The following AUTS2 variants were observed in gnomAD, a reference collection of about 807,000 sequenced individuals.
The protein encoded by AUTS2 is autism susceptibility gene 2 protein.
A neutral mutation model predicts 112.4 loss-of-function variants in AUTS2; 17 were observed. The ratio of observed to expected loss-of-function variants is 0.15; its 90% CI spans 0.10 to 0.23. AUTS2 has a LOEUF of 0.23. AUTS2 is among the 10% of genes least tolerant of loss of function. The pLI is 1.00. For missense variants in AUTS2, 1,510 were observed against 1,701.6 expected (o/e 0.89, Z 1.98); for synonymous variants, 751 against 702.7 (o/e 1.07, Z -1.09).
At chr7:70,301,565 GA>G (rs974725905) in intron 4 of AUTS2, among the ~76,000 whole-genome samples, 2 of 152,154 alleles carry the variant, frequency 1.3e-5, no homozygotes, top group African/African-American at 2.4e-5. Context: ...CTAAAGAGGG[GA>G]TTTTGTGGTG....
intron 2 of AUTS2, among the ~76,000 whole-genome samples, chr7:70,035,736 TAG>T (rs1258061859): frequency 1.3e-5 from 2 of 152,188 alleles, no homozygotes; most frequent in Non-Finnish European, 2.9e-5. Flanking sequence ...GATGTGGTCA[TAG>T]AGTCTTCATT....
intron 1 of AUTS2, among the ~76,000 whole-genome samples, chr7:69,896,192 G>A (rs1232177674): frequency 6.6e-6 from 1 of 152,192 alleles, no homozygotes; most frequent in Non-Finnish European, 1.5e-5. Context: ...TGTGGACACT[G>A]GACAAAGGAA....
intron 4 of AUTS2, among the ~76,000 whole-genome samples, chr7:70,181,302 T>C (rs1461884573): frequency 1.3e-5 from 2 of 152,210 alleles, no homozygotes; most frequent in Non-Finnish European, 2.9e-5. Context: ...CAGCATATTT[T>C]ATTGAGCACC....
At chr7:70,702,943 G>A (rs1218936103) in intron 6 of AUTS2, among the ~76,000 whole-genome samples, 1 of 152,106 alleles carries the variant, frequency 6.6e-6, no homozygotes, top group Non-Finnish European at 1.5e-5. Context: ...TGAAGCCTTT[G>A]GATATTTTTG....
chr7:70,404,192 A>G (rs551316964), intron 4 of AUTS2, among the ~76,000 whole-genome samples: 1 of 152,242 alleles, frequency 6.6e-6, no homozygotes, highest in East Asian at 1.9e-4. Context: ...ACTGGAATTC[A>G]TTGGGGTCAT....
intron 5 of AUTS2, among the ~76,000 whole-genome samples, chr7:70,524,596 A>C (rs1339059934): frequency 6.6e-6 from 1 of 152,202 alleles, no homozygotes; most frequent in African/African-American, 2.4e-5. Flanking sequence ...AACAAAAGGC[A>C]TCAGGGAAGT....
chr7:70,002,140 A>T (rs759465520), intron 2 of AUTS2, among the ~76,000 whole-genome samples: 1 of 152,198 alleles, frequency 6.6e-6, no homozygotes, highest in African/African-American at 2.4e-5. Flanking sequence ...AGAAAAGAGT[A>T]TAGTGCTTAC....
intron 4 of AUTS2, among the ~76,000 whole-genome samples, chr7:70,297,768 A>G (rs1186119730): frequency 6.6e-6 from 1 of 152,168 alleles, no homozygotes; most frequent in East Asian, 1.9e-4. Flanking sequence ...CAGGATGTTC[A>G]GAAGGAAGAC....
At chr7:70,717,323 G>A (rs1373227175) in intron 6 of AUTS2, among the ~76,000 whole-genome samples, 1 of 152,054 alleles carries the variant, frequency 6.6e-6, no homozygotes, top group Non-Finnish European at 1.5e-5. Context: ...TGGAACTACA[G>A]GCCTGTACCA....
At chr7:70,095,484 G>A (rs1156783277) in intron 2 of AUTS2, among the ~76,000 whole-genome samples, 2 of 152,162 alleles carry the variant, frequency 1.3e-5, no homozygotes, top group Admixed American at 6.5e-5. Flanking sequence ...GAGTGGTAAT[G>A]AATGGGCATT....
At chr7:69,725,251 A>G (rs1389193085) in intron 1 of AUTS2, among the ~76,000 whole-genome samples, 1 of 152,212 alleles carries the variant, frequency 6.6e-6, no homozygotes, top group African/African-American at 2.4e-5. Context: ...AGGACTTACC[A>G]TGATAAATAA....
chr7:69,676,742 A>T (rs759816378), intron 1 of AUTS2, among the ~76,000 whole-genome samples: 1 of 152,000 alleles, frequency 6.6e-6, no homozygotes, highest in Non-Finnish European at 1.5e-5. Context: ...CTTTTTAGTT[A>T]ATTTTTCAGT....
intron 6 of AUTS2, among the ~76,000 whole-genome samples, chr7:70,744,309 G>C (rs1006182131): frequency 3.9e-5 from 6 of 152,172 alleles, no homozygotes; most frequent in Admixed American, 1.3e-4. Context: ...CGGTGAGGTA[G>C]ATGCGCTCCT....
rs58000203 is a variant in AUTS2, at chr7:70,655,720, C to T, written c.691-42849C>T. 2.8e-3 allele frequency among the ~76,000 whole-genome samples: 425 copies of T among 152,314 alleles called. 1 individual carries two copies. The highest frequency in any genetic ancestry group is 9.9e-3 in the African/African-American group (412 of 41,568). On this transcript the variant is annotated intron_variant, in intron 5 of 18. Transcript: ENST00000342771. ...TGGCTTAGACCAATCACTACCTTCC[C>T]TGGCACTGGACACATGCCACATCAG... is the stretch of plus-strand genomic sequence containing the variant.
Position 70,698,571 on chromosome 7 carries a change from A to G in AUTS2, c.693A>G (p.Ala231=). 1 of 1,606,482 alleles carries G rather than the reference A, an allele frequency of 6.2e-7. No individual in the cohort carries two copies. ...CDSDSDQEEK[A]SDASSEKLFN... ...TTTTCCCCCTTCTTGTTTTTCAGGCATCAGATGCCAGCTCTGAAAAACTCT... is the reference window on the plus strand; with the variant it reads ...TTTTCCCCCTTCTTGTTTTTCAGGCGTCAGATGCCAGCTCTGAAAAACTCT... The change falls in exon 6 of 19, where the codon GCA becomes GCG. Residue 231 remains alanine (A), a splice_region_variant and synonymous_variant. Coordinates refer to ENST00000342771, the MANE Select transcript of AUTS2 (RefSeq NM_015570.4).
At chr7:69,718,555 A>G (rs1039771964) in intron 1 of AUTS2, among the ~76,000 whole-genome samples, 2 of 152,100 alleles carry the variant, frequency 1.3e-5, no homozygotes, top group Non-Finnish European at 2.9e-5. Context: ...CCATAGTTAC[A>G]TCTTCCTCTT....
chr7:70,011,290 A>T (rs1327520007), intron 2 of AUTS2, among the ~76,000 whole-genome samples: 1 of 144,204 alleles, frequency 6.9e-6, no homozygotes, highest in Non-Finnish European at 1.5e-5. Context: ...AACTCTCACT[A>T]GCCTCACCTC....
chr7:69,875,831 T>C (rs1316808123), intron 1 of AUTS2, among the ~76,000 whole-genome samples: 1 of 152,264 alleles, frequency 6.6e-6, no homozygotes, highest in African/African-American at 2.4e-5. Context: ...CTCAACTGCA[T>C]GTAGAGGAGG....
chr7:69,719,284 A>G (rs1798789275), intron 1 of AUTS2, among the ~76,000 whole-genome samples: 6 of 152,194 alleles, frequency 3.9e-5, no homozygotes, highest in Admixed American at 3.9e-4. Flanking sequence ...TCCCCCAAGT[A>G]TCAGACTTAA....
Sources: allele counts gnomAD v4.1 joint callset (sites outside exome capture counted in the v4.1 genomes callset), GRCh38; gene constraint gnomAD v4.1.1; transcripts MANE v1.5; gene names NCBI Gene and HGNC (gene_info 2026-07-23, HGNC 2026-07-21).